The following PDE4D variants were observed in gnomAD, a reference collection of about 807,000 sequenced individuals.
PDE4D encodes phosphodiesterase 4D, also known as 3',5'-cyclic-AMP phosphodiesterase 4D.
Under a neutral mutation model 87.4 loss-of-function variants are expected in PDE4D, and 24 were observed. The ratio of observed to expected loss-of-function variants is 0.27; its 90% CI spans 0.20 to 0.39. The LOEUF (loss-of-function observed/expected upper bound fraction) is 0.39, where lower values mean the gene tolerates loss of function less well. Ranked by LOEUF, PDE4D falls within the 10% of genes least tolerant of loss-of-function variation. The pLI, the probability that PDE4D is intolerant of heterozygous loss-of-function variation, is 1.00. For synonymous variants in PDE4D, 384 were observed against 383.2 expected, an observed-to-expected ratio of 1.00 and a Z score of -0.02; for missense variants, 714 against 1,041.0, an observed-to-expected ratio of 0.69 and a Z score of 4.32.
intron 3 of PDE4D, among the ~76,000 whole-genome samples, chr5:59,906,656 A>T (rs1360157231): frequency 6.6e-6 from 1 of 152,126 alleles, no homozygotes; most frequent in Non-Finnish European, 1.5e-5. Flanking sequence ...TGAATAAGAA[A>T]ATATTAGAAT....
chr5:60,013,021 T>C (rs909420913), intron 2 of PDE4D, among the ~76,000 whole-genome samples: 1 of 152,200 alleles, frequency 6.6e-6, no homozygotes, highest in Admixed American at 6.5e-5. Flanking sequence ...ATACTGGGTA[T>C]ATCTAATTCT....
At chr5:60,475,114 C>G (rs1748209542) in intron 1 of PDE4D, among the ~76,000 whole-genome samples, 1 of 151,986 alleles carries the variant, frequency 6.6e-6, no homozygotes, top group African/African-American at 2.4e-5. Flanking sequence ...AATAGAAATT[C>G]AATTGTTTGC....
chr5:59,502,713 GTTTGT>G (rs1002028561), intron 1 of PDE4D, among the ~76,000 whole-genome samples: 2 of 111,208 alleles, frequency 1.8e-5, no homozygotes, highest in African/African-American at 3.5e-5. Flanking sequence ...TGTGTGTGTA[GTTTGT>G]TTTATCTCTT....
chr5:59,106,625 T>C lies in PDE4D; in HGVS notation c.809-67654A>G, dbSNP rs373860929. Among the ~76,000 whole-genome samples the C allele has an allele frequency of 6.6e-5, 10 of 152,200 alleles. No individual in the cohort carries two copies. In the East Asian group the frequency reaches 9.7e-4, roughly 15 times the overall value. Reference sequence around the variant, plus strand: ...AAAATGCAAAATCAGCCGGGCGTGGTGGCGCATGACTGTAATCCCAGCTAC... The same window carrying C: ...AAAATGCAAAATCAGCCGGGCGTGGCGGCGCATGACTGTAATCCCAGCTAC... On this transcript the variant is annotated intron_variant, in intron 5 of 14. Transcript: ENST00000340635.
chr5:59,778,499 A>G (rs1281980720), intron 1 of PDE4D, among the ~76,000 whole-genome samples: 1 of 152,260 alleles, frequency 6.6e-6, no homozygotes, highest in African/African-American at 2.4e-5. Flanking sequence ...TTATAAAGGC[A>G]TATATTCTAG....
In PDE4D at chr5:60,467,023, T is replaced by TTTTTA. The variant is rs151080999; in HGVS notation, c.-90+20914_-90+20918dup. On this transcript the variant is annotated intron_variant, in intron 1 of 16. Transcript: ENST00000502484. ...GATCTGCACTGGAATTTTAAATATT[T>TTTTTA]TTTTATTTTATTTTATTTTATTTTA... Among the ~76,000 whole-genome samples, 778 of 151,930 alleles carry TTTTTA rather than the reference T, an allele frequency of 5.1e-3. 6 individuals carry two copies. The highest frequency in any genetic ancestry group is 0.016 in the African/African-American group (646 of 41,460).
rs370716457 is a variant in PDE4D, at chr5:59,444,535, G to A, written c.456-228567C>T. ...GGTTTAAAACCTTCAGTTCCCAGTC[G>A]GGCGCGGTGGCTCACGCCTGTAATC... On this transcript the variant is annotated intron_variant, in intron 1 of 14. Coordinates refer to ENST00000340635, the MANE Select transcript of PDE4D (RefSeq NM_001104631.2). Among the ~76,000 whole-genome samples the A allele has an allele frequency of 4.6e-5, 7 of 152,216 alleles. No homozygotes were observed. The East Asian group carries it at 1.2e-3, about 25-fold the overall frequency.
At chr5:59,346,452 T>C (rs555930293) in intron 1 of PDE4D, among the ~76,000 whole-genome samples, 2 of 152,232 alleles carry the variant, frequency 1.3e-5, no homozygotes, top group East Asian at 3.9e-4. Context: ...TTAAGTCATG[T>C]AGTGCTAAAA....
intron 1 of PDE4D, among the ~76,000 whole-genome samples, chr5:59,297,572 T>A (rs1028909761): frequency 6.6e-6 from 1 of 152,110 alleles, no homozygotes; most frequent in African/African-American, 2.4e-5. Context: ...AATTTTTTTT[T>A]AAACTATAGA....
chr5:59,265,606 T>C (rs1038570980), intron 1 of PDE4D, among the ~76,000 whole-genome samples: 1 of 152,108 alleles, frequency 6.6e-6, no homozygotes, highest in South Asian at 2.1e-4. Context: ...GAGCCAGCCA[T>C]GTGCTAAGCA....
chr5:60,367,491 A>G (rs1760657562), intron 1 of PDE4D, among the ~76,000 whole-genome samples: 1 of 152,100 alleles, frequency 6.6e-6, no homozygotes, highest in African/African-American at 2.4e-5. Flanking sequence ...GAAACTTTGA[A>G]AAAACATTTT....
At chr5:59,776,305 T>A (rs1379491223) in intron 1 of PDE4D, among the ~76,000 whole-genome samples, 2 of 152,178 alleles carry the variant, frequency 1.3e-5, no homozygotes, top group Non-Finnish European at 2.9e-5. Context: ...TAACTAAGGT[T>A]TAATAACTTA....
intron 2 of PDE4D, among the ~76,000 whole-genome samples, chr5:60,053,413 C>T (rs778048727): frequency 1.3e-5 from 2 of 152,154 alleles, no homozygotes; most frequent in Non-Finnish European, 2.9e-5. Context: ...TGATCTTTGA[C>T]AAACCTGACA....
chr5:59,135,254 C>G (rs1776874947), intron 5 of PDE4D, among the ~76,000 whole-genome samples: 1 of 152,124 alleles, frequency 6.6e-6, no homozygotes, highest in African/African-American at 2.4e-5. Context: ...CTTTTTGGTT[C>G]ATTTTATTTT....
At chr5:60,142,850 A>G (rs989824585) in intron 2 of PDE4D, among the ~76,000 whole-genome samples, 2 of 152,224 alleles carry the variant, frequency 1.3e-5, no homozygotes, top group African/African-American at 2.4e-5. Flanking sequence ...ACAATTACCA[A>G]GGCAGGAGGT....
At chr5:59,859,011 T>C (rs972925872) in intron 1 of PDE4D, among the ~76,000 whole-genome samples, 4 of 152,206 alleles carry the variant, frequency 2.6e-5, no homozygotes, top group African/African-American at 9.6e-5. Flanking sequence ...TATGCTTTGT[T>C]GGTAAAGCAA....
chr5:60,082,977 C>T (rs759945539), intron 2 of PDE4D, among the ~76,000 whole-genome samples: 16 of 152,178 alleles, frequency 1.1e-4, no homozygotes, highest in Non-Finnish European at 2.2e-4. Flanking sequence ...CCTCTCCTCC[C>T]TCCATCTGAG....
intron 1 of PDE4D, among the ~76,000 whole-genome samples, chr5:59,335,573 T>G (rs1777519233): frequency 6.6e-6 from 1 of 152,152 alleles, no homozygotes; most frequent in Admixed American, 6.5e-5. Flanking sequence ...TAAGACCAAC[T>G]TAAAGGCAAA....
intron 3 of PDE4D, among the ~76,000 whole-genome samples, chr5:59,911,745 C>T (rs887252012): frequency 2.0e-5 from 3 of 152,136 alleles, no homozygotes; most frequent in African/African-American, 7.2e-5. Flanking sequence ...AGCTGTCTTA[C>T]TGAGAACACT....
Sources: allele counts gnomAD v4.1 joint callset (sites outside exome capture counted in the v4.1 genomes callset), GRCh38; gene constraint gnomAD v4.1.1; transcripts MANE v1.5; gene names NCBI Gene and HGNC (gene_info 2026-07-23, HGNC 2026-07-21).